The following PDZD2 variants were observed in gnomAD, a reference collection of about 807,000 sequenced individuals.
PDZD2 encodes the protein PDZ domain containing 2, also known as PDZ domain-containing protein 2.
Under a neutral mutation model 220.7 loss-of-function variants are expected in PDZD2, and 90 were observed. That is an observed-to-expected ratio of 0.41 (90% CI 0.34 to 0.49). PDZD2 has a LOEUF of 0.49. PDZD2 is among the 20% of genes least tolerant of loss of function. The pLI is 0.28. For missense variants in PDZD2, 3,174 were observed against 3,608.5 expected (o/e 0.88, Z 3.08); for synonymous variants, 1,375 against 1,450.5 (o/e 0.95, Z 1.18).
intron 7 of PDZD2, among the ~76,000 whole-genome samples, chr5:32,046,104 C>T (rs911732313): frequency 6.6e-6 from 1 of 152,022 alleles, no homozygotes; most frequent in African/African-American, 2.4e-5. Context: ...ATCATATAAA[C>T]ATTGTAATAT....
intron 2 of PDZD2, 109 bp from the exon 3 acceptor site, chr5:31,983,046 C>A: frequency 9.3e-7 from 1 of 1,076,526 alleles, no homozygotes; most frequent in Non-Finnish European, 1.3e-6. Flanking sequence ...ATACCTCAGT[C>A]CATCGGCCAA....
chr5:31,726,266 C>T (rs532854098), intron 1 of PDZD2, among the ~76,000 whole-genome samples: 172 of 152,318 alleles, frequency 1.1e-3, no homozygotes, highest in African/African-American at 3.8e-3. Flanking sequence ...CGGTGGCTCA[C>T]GCCTATAATC....
At chr5:32,002,865 C>CA (rs1561313591) in intron 5 of PDZD2, among the ~76,000 whole-genome samples, 4 of 112,104 alleles carry the variant, frequency 3.6e-5, no homozygotes, top group African/African-American at 1.1e-4. Flanking sequence ...CACACACACC[C>CA]CACATACCAC....
rs542091472 is a variant in PDZD2, at chr5:31,935,209, G to A, written c.477-47946G>A. ...CTTGTGAGTATTGGAATAATAAAAT[G>A]TCATTCCCATTTAAGTTGCACATGT... is the stretch of plus-strand genomic sequence containing the variant. On this transcript the variant is annotated intron_variant, in intron 2 of 24. Transcript: ENST00000438447. Among the ~76,000 whole-genome samples the A allele has an allele frequency of 3.3e-5, 5 of 152,226 alleles. No individual in the cohort carries two copies. The South Asian group carries it at 6.2e-4, about 19-fold the overall frequency.
At chr5:31,858,930 G>T (rs1483064678) in intron 2 of PDZD2, among the ~76,000 whole-genome samples, 1 of 152,006 alleles carries the variant, frequency 6.6e-6, no homozygotes, top group Non-Finnish European at 1.5e-5. Flanking sequence ...TGTTGCCCAG[G>T]CTGGCCTTGA....
intron 2 of PDZD2, among the ~76,000 whole-genome samples, chr5:31,824,214 T>C (rs927220586): frequency 1.3e-5 from 2 of 152,168 alleles, no homozygotes; most frequent in Non-Finnish European, 2.9e-5. Flanking sequence ...CCAGATGAGA[T>C]TGTTGGCAGC....
chr5:31,766,009 T>A (rs542398115), intron 1 of PDZD2, among the ~76,000 whole-genome samples: 2 of 143,886 alleles, frequency 1.4e-5, no homozygotes, highest in South Asian at 4.3e-4. Flanking sequence ...CAAAACCCTA[T>A]CTCTACAAAA....
At chr5:31,815,638 C>T (rs553764191) in intron 2 of PDZD2, among the ~76,000 whole-genome samples, 7 of 152,204 alleles carry the variant, frequency 4.6e-5, no homozygotes, top group East Asian at 3.9e-4. Context: ...GCATGTCCTG[C>T]GCCTTTTTGC....
chr5:31,973,024 G>A (rs765331268), intron 2 of PDZD2, among the ~76,000 whole-genome samples: 2 of 152,182 alleles, frequency 1.3e-5, no homozygotes, highest in Non-Finnish European at 2.9e-5. Flanking sequence ...TCTGCAGTAC[G>A]TTTTATAAAA....
At chr5:31,686,091 T>C (rs1746847011) in intron 1 of PDZD2, among the ~76,000 whole-genome samples, 2 of 150,792 alleles carry the variant, frequency 1.3e-5, no homozygotes, top group Admixed American at 1.3e-4. Flanking sequence ...CCTACCCTAC[T>C]ACCCAGGTAG....
In PDZD2 at chr5:32,010,354, A is replaced by T. The variant is rs143526859; in HGVS notation, c.1279A>T (p.Arg427Trp). The change falls in exon 6 of 25, where the codon AGG (arginine) becomes TGG (tryptophan). Residue 427 changes from arginine (R) to tryptophan (W), a missense_variant. Physicochemically the swap from Arg to Trp is moderately radical, Grantham distance 101. This residue lies in a region of PDZD2 where 632 missense variants were observed against 708.1 expected (regional missense o/e 0.89). Transcript: ENST00000438447. ...SKENSAEDLL[R>W]LTSKSLPDLT... is the part of the protein sequence containing the mutation. The stretch of plus-strand genomic sequence containing the variant: ...GGAAAACTCCGCAGAGGACCTCCTC[A>T]GGTTAACATCTAAGAGCTTGCCAGA... 11 of 1,607,096 alleles carry T rather than the reference A, an allele frequency of 6.8e-6. No homozygotes were observed. Among genetic ancestry groups the T allele is most frequent in the Non-Finnish European group, 9.4e-6 (11 of 1,174,446 alleles).
At chr5:32,101,366 C>G in intron 24 of PDZD2, 127 bp downstream of exon 24, 2 of 883,476 alleles carry the variant, frequency 2.3e-6, no homozygotes, top group Admixed American at 2.9e-5. Flanking sequence ...TTGTGACATA[C>G]AAGGTTTATT....
chr5:32,001,130 A>G (rs1752073451), intron 5 of PDZD2, among the ~76,000 whole-genome samples: 1 of 152,236 alleles, frequency 6.6e-6, no homozygotes, highest in Admixed American at 6.5e-5. Context: ...CATCCTTGGA[A>G]AAATTGTCTT....
intron 1 of PDZD2, among the ~76,000 whole-genome samples, chr5:31,650,635 C>A (rs796493999): frequency 6.6e-6 from 1 of 152,170 alleles, no homozygotes; most frequent in Non-Finnish European, 1.5e-5. Flanking sequence ...GAGTTTCAGG[C>A]TCAAGACTTT....
At chr5:31,796,091 G>C (rs978586089) in intron 1 of PDZD2, among the ~76,000 whole-genome samples, 1 of 152,174 alleles carries the variant, frequency 6.6e-6, no homozygotes, top group Non-Finnish European at 1.5e-5. Context: ...TCAGATCCGA[G>C]CTGAGCCAAT....
chr5:31,910,217 A>ATTTTTT (rs70957978), intron 2 of PDZD2, among the ~76,000 whole-genome samples: 5,684 of 106,486 alleles, frequency 0.053, 462 homozygotes, highest in African/African-American at 0.16. Context: ...GAGTTCCTGC[A>ATTTTTT]TTTTTTTTTT....
intron 3 of PDZD2, among the ~76,000 whole-genome samples, chr5:31,990,859 G>C (rs917112220): frequency 6.6e-6 from 1 of 152,196 alleles, no homozygotes; most frequent in African/African-American, 2.4e-5. Flanking sequence ...AAAGCTGGCC[G>C]GGCAGTGTCA....
intron 1 of PDZD2, among the ~76,000 whole-genome samples, chr5:31,640,145 C>G (rs540762417): frequency 1.3e-5 from 2 of 151,974 alleles, no homozygotes; most frequent in Non-Finnish European, 2.9e-5. Flanking sequence ...CCTGTGGTCC[C>G]CGCTATTTGG....
intron 6 of PDZD2, among the ~76,000 whole-genome samples, chr5:32,010,978 C>T (rs1367195464): frequency 8.0e-6 from 1 of 125,422 alleles, no homozygotes; most frequent in African/African-American, 3.2e-5. Context: ...GCCTGGGCTA[C>T]AGAGCGAGAC....
Sources: gnomAD v4.1 joint callset for allele counts (sites outside exome capture counted in the v4.1 genomes callset) on GRCh38, gnomAD v4.1.1 for gene constraint, gnomAD v4.1.1 regional missense constraint, MANE v1.5 for transcripts, NCBI Gene and HGNC (gene_info 2026-07-23, HGNC 2026-07-21) for gene names.